Variants in CACNG7 observed in about 807,000 individuals in gnomAD.
CACNG7 encodes voltage-dependent calcium channel gamma-7 subunit.
Under a neutral mutation model 26.3 loss-of-function variants are expected in CACNG7, and 9 were observed. That is an observed-to-expected ratio of 0.34 (90% CI 0.21 to 0.60). CACNG7 has a LOEUF of 0.60. CACNG7 is among the 20% of genes least tolerant of loss of function. The pLI is 0.81. For missense variants in CACNG7, 297 were observed against 380.4 expected (o/e 0.78, Z 1.82); for synonymous variants, 170 against 157.0 (o/e 1.08, Z -0.62).
At chr19:53,913,785 TAA>T (rs58238779) in intron 2 of CACNG7, among the ~76,000 whole-genome samples, 18 of 94,010 alleles carry the variant, frequency 1.9e-4, no homozygotes, top group South Asian at 3.8e-4. Flanking sequence ...CCCAGTCTCT[TAA>T]AAAAAAAAAA....
At chr19:53,928,279 ATTTAC>A (rs994082622) in intron 4 of CACNG7, among the ~76,000 whole-genome samples, 2 of 151,628 alleles carry the variant, frequency 1.3e-5, no homozygotes, top group African/African-American at 4.9e-5. Context: ...TTATTTATTT[ATTTAC>A]TTATTGAGGC....
rs368865340 is a variant in CACNG7, at chr19:53,928,303, G to T, written c.424+12798G>T. On this transcript the variant is annotated intron_variant, in intron 4 of 5. Coordinates refer to ENST00000391767, the MANE Select transcript of CACNG7 (RefSeq NM_031896.5). ...TATTTACTTATTGAGGCAGTGTCTT[G>T]CTCTGTTGCCCAGGCTGGAGTGCAA... Among the ~76,000 whole-genome samples the T allele has an allele frequency of 2.5e-3, 376 of 152,120 alleles. 2 individuals carry two copies. Among genetic ancestry groups the T allele is most frequent in the Middle Eastern group, 6.8e-3 (2 of 294 alleles).
chr19:53,924,834 G>C (rs1374229271), intron 4 of CACNG7, among the ~76,000 whole-genome samples: 1 of 143,960 alleles, frequency 6.9e-6, no homozygotes, highest in Non-Finnish European at 1.5e-5. Flanking sequence ...GTCATTGGTG[G>C]AGTTGCCCCA....
At chr19:53,921,909 G>T (rs1479893703) in intron 4 of CACNG7, among the ~76,000 whole-genome samples, 1 of 107,376 alleles carries the variant, frequency 9.3e-6, no homozygotes, top group Non-Finnish European at 1.8e-5. Flanking sequence ...TTGTCCCCAG[G>T]TCTGGTATTG....
chr19:53,913,778 A>G (rs996125467), intron 2 of CACNG7, among the ~76,000 whole-genome samples: 2 of 134,080 alleles, frequency 1.5e-5, no homozygotes, highest in African/African-American at 6.1e-5. Context: ...AGCAAAACCC[A>G]GTCTCTTAAA....
chr19:53,921,661 G>GT (rs1198460721), intron 4 of CACNG7, among the ~76,000 whole-genome samples: 15 of 68,202 alleles, frequency 2.2e-4, no homozygotes, highest in Non-Finnish European at 2.3e-4. Flanking sequence ...TGGTGGACTT[G>GT]CCCCAGGTCT....
At chr19:53,928,196 T>C (rs1223704600) in intron 4 of CACNG7, among the ~76,000 whole-genome samples, 2 of 152,140 alleles carry the variant, frequency 1.3e-5, no homozygotes, top group Non-Finnish European at 2.9e-5. Context: ...CAAAATCTCT[T>C]CCTCGGTGGA....
chr19:53,935,649 T>TTTTC (rs1420224871), intron 4 of CACNG7, among the ~76,000 whole-genome samples: 1 of 137,662 alleles, frequency 7.3e-6, no homozygotes, highest in Admixed American at 7.5e-5. Flanking sequence ...TTTTTTTTTT[T>TTTTC]TTTTTTTTGA....
chr19:53,916,798 CTTT>C (rs1181417496), intron 4 of CACNG7, among the ~76,000 whole-genome samples: 6 of 120,016 alleles, frequency 5.0e-5, no homozygotes, highest in Admixed American at 8.8e-5. Context: ...CTGCGCCTGG[CTTT>C]TTTTTTTTTT....
At chr19:53,919,150 T>G (rs2068918051) in intron 4 of CACNG7, among the ~76,000 whole-genome samples, 1 of 152,210 alleles carries the variant, frequency 6.6e-6, no homozygotes, top group Non-Finnish European at 1.5e-5. Flanking sequence ...CATGGCATTA[T>G]GCTGCCCCAC....
intron 4 of CACNG7, among the ~76,000 whole-genome samples, chr19:53,934,981 GTC>G (rs1030502260): frequency 8.6e-5 from 13 of 151,006 alleles, no homozygotes; most frequent in Admixed American, 2.0e-4. Context: ...TTGCCTTTCT[GTC>G]TCTCTCTCTC....
chr19:53,920,991 G>GT (rs1411282586), intron 4 of CACNG7, among the ~76,000 whole-genome samples: 3 of 79,974 alleles, frequency 3.8e-5, no homozygotes, highest in Non-Finnish European at 6.8e-5. Flanking sequence ...TGGTGGAGTT[G>GT]CCCCAGGCTG....
At chr19:53,917,831 C>T (rs999469384) in intron 4 of CACNG7, among the ~76,000 whole-genome samples, 4 of 152,064 alleles carry the variant, frequency 2.6e-5, no homozygotes, top group African/African-American at 7.2e-5. Context: ...CTCGAAGAGG[C>T]GACATAGCTT....
At chr19:53,923,359 G>GCCCCAGGCCTGGTCATTGGTGGAGTTGT (rs2068982517) in intron 4 of CACNG7, among the ~76,000 whole-genome samples, 1 of 86,652 alleles carries the variant, frequency 1.2e-5, no homozygotes, top group Admixed American at 1.0e-4. Flanking sequence ...TGGTGGAGTT[G>GCCCCAGGCCTGGTCATTGGTGGAGTTGT]CCCCAGGTCT....
chr19:53,921,410 G>T (rs1234876930), intron 4 of CACNG7, among the ~76,000 whole-genome samples: 2 of 149,356 alleles, frequency 1.3e-5, no homozygotes, highest in Non-Finnish European at 1.5e-5. Context: ...TCTGGTCATT[G>T]GTGGAGTTGC....
chr19:53,924,720 TATTGGTGGAGTTGCCCCAGGTCTGGTC>T (rs2069008689), intron 4 of CACNG7, among the ~76,000 whole-genome samples: 1 of 141,358 alleles, frequency 7.1e-6, no homozygotes, highest in African/African-American at 2.7e-5. Flanking sequence ...CCAGTTCTGG[TATTGGTGGAGTTGCCCCAGGTCTGGTC>T]ATTGGTGGAC....
chr19:53,913,028 G>T lies in CACNG7; in HGVS notation c.196+1G>T. The T allele has an allele frequency of 3.1e-6, 5 of 1,607,710 alleles. No homozygotes were observed. The highest frequency in any genetic ancestry group is 4.3e-6 in the Non-Finnish European group (5 of 1,175,118). On this transcript the variant is annotated splice_donor_variant, in intron 2 of 5. Coordinates refer to ENST00000391767, the MANE Select transcript of CACNG7 (RefSeq NM_031896.5). LOFTEE classifies it high-confidence loss of function. Reference sequence around the variant, plus strand: ...CTCTGGCGAGTCTGCTTCTTTGCAGGTACAGCCCTCACCCGTCTTCCACTC... The same window carrying T: ...CTCTGGCGAGTCTGCTTCTTTGCAGTTACAGCCCTCACCCGTCTTCCACTC...
In CACNG7 at chr19:53,939,632, A is replaced by G. The variant is rs1403202714; in HGVS notation, c.425-1838A>G. 6.6e-6 allele frequency among the ~76,000 whole-genome samples: 1 copy of G among 152,138 alleles called. No homozygotes were observed. Among genetic ancestry groups the G allele is most frequent in the Non-Finnish European group, 1.5e-5 (1 of 68,044 alleles). ...TCGTTCCCTTTTTTGGCTGAATAGT[A>G]TTCCTGTATATGGATATACCACATT... On this transcript the variant is annotated intron_variant, in intron 4 of 5. Transcript: ENST00000391767. The surrounding 1 kb of genome is among the most constrained non-coding windows in gnomAD (Gnocchi z 4.2).
chr19:53,922,201 C>T (rs1257258486), intron 4 of CACNG7, among the ~76,000 whole-genome samples: 248 of 79,386 alleles, frequency 3.1e-3, no homozygotes, highest in Non-Finnish European at 3.7e-3. Flanking sequence ...GGTGGAGTTG[C>T]CCCAGGTCTG....
Sources: allele counts gnomAD v4.1 joint callset (sites outside exome capture counted in the v4.1 genomes callset), GRCh38; gene constraint gnomAD v4.1.1; non-coding constraint Gnocchi (gnomAD v3.1); transcripts MANE v1.5; gene names NCBI Gene and HGNC (gene_info 2026-07-23, HGNC 2026-07-21).